Variants in CACHD1 observed in about 807,000 individuals in gnomAD.
CACHD1 encodes the protein VWFA and cache domain-containing protein 1.
A neutral mutation model predicts 138.7 loss-of-function variants in CACHD1; 71 were observed. The observed-to-expected ratio is 0.51, with a 90% CI of 0.42 to 0.62. The LOEUF (loss-of-function observed/expected upper bound fraction) is 0.62, where lower values mean the gene tolerates loss of function less well. CACHD1 is among the 20% of genes least tolerant of loss of function. The pLI is 0.00. For synonymous variants in CACHD1, 578 were observed against 591.5 expected, an observed-to-expected ratio of 0.98 and a Z score of 0.33; for missense variants, 1,389 against 1,625.3, an observed-to-expected ratio of 0.85 and a Z score of 2.50.
chr1:64,633,238 A>G (rs1320895809), intron 6 of CACHD1, among the ~76,000 whole-genome samples: 2 of 152,188 alleles, frequency 1.3e-5, no homozygotes, highest in Non-Finnish European at 2.9e-5. Context: ...TATGTCAGGG[A>G]CCATCTGTAT....
chr1:64,589,710 T>C (rs1647082804), intron 3 of CACHD1, among the ~76,000 whole-genome samples: 1 of 152,136 alleles, frequency 6.6e-6, no homozygotes, highest in Non-Finnish European at 1.5e-5. Context: ...ACTGATGTTA[T>C]GGAGAATAAT....
intron 10 of CACHD1, 76 bp downstream of exon 10, chr1:64,652,386 C>A: frequency 3.1e-6 from 4 of 1,309,522 alleles, no homozygotes; most frequent in Middle Eastern, 1.9e-4. Flanking sequence ...ATTCTACAAA[C>A]AAAATAGGAA....
chr1:64,539,053 T>A lies in CACHD1; in HGVS notation c.199-11541T>A, dbSNP rs183481629. On this transcript the variant is annotated intron_variant, in intron 1 of 26. Coordinates refer to ENST00000651257, the MANE Select transcript of CACHD1 (RefSeq NM_020925.4). ...AATCTTTTGGGGGAGGTAAGACACA[T>A]GGGAAACTCAACGTCAGAGCCTCTC... is the stretch of plus-strand genomic sequence containing the variant. Among the ~76,000 whole-genome samples the A allele has an allele frequency of 7.9e-5, 12 of 152,248 alleles. No individual in the cohort carries two copies. The East Asian group carries it at 2.3e-3, about 29-fold the overall frequency.
At chr1:64,526,659 C>T (rs1036091880) in intron 1 of CACHD1, among the ~76,000 whole-genome samples, 4 of 152,198 alleles carry the variant, frequency 2.6e-5, no homozygotes, top group Non-Finnish European at 5.9e-5. Flanking sequence ...TTTCCCATTC[C>T]TGCTAACGCA....
intron 1 of CACHD1, among the ~76,000 whole-genome samples, chr1:64,541,556 C>T (rs887595437): frequency 2.6e-5 from 4 of 152,166 alleles, no homozygotes; most frequent in African/African-American, 9.6e-5. Context: ...ACCTGTAATC[C>T]CAGCACTTTG....
chr1:64,676,975 G>T lies in CACHD1; in HGVS notation c.3056G>T (p.Cys1019Phe). ...DPGLQDALHQ[C>F]VNSRCSQRLE... is the part of the protein sequence containing the mutation. ...GGCCTGCAAGATGCTCTTCACCAGT[G>T]TGTCAACAGCAGGTGCAGTCAGAGG... Residue 1019 changes from cysteine (C) to phenylalanine (F), a missense_variant, in exon 22 of 27, where the codon TGT becomes TTT. By Grantham distance (205) the Cys-to-Phe change is radical. This residue lies in a region of CACHD1 where 250 missense variants were observed against 292.9 expected (regional missense o/e 0.85). Transcript: ENST00000651257. 6.2e-7 allele frequency: 1 copy of T among 1,613,938 alleles called. No individual in the cohort carries two copies.
At chr1:64,497,741 C>G (rs1646313883) in intron 1 of CACHD1, among the ~76,000 whole-genome samples, 4 of 152,124 alleles carry the variant, frequency 2.6e-5, no homozygotes, top group Admixed American at 2.6e-4. Flanking sequence ...CAGACTAGAT[C>G]CCAAGCCCTT....
At chr1:64,622,076 T>G (rs572945390) in intron 4 of CACHD1, among the ~76,000 whole-genome samples, 1 of 152,254 alleles carries the variant, frequency 6.6e-6, no homozygotes, top group East Asian at 1.9e-4. Flanking sequence ...AAATAGAAAA[T>G]GCAAAATAGC....
intron 3 of CACHD1, among the ~76,000 whole-genome samples, chr1:64,593,431 T>C (rs1451396814): frequency 1.3e-5 from 2 of 152,252 alleles, no homozygotes; most frequent in African/African-American, 4.8e-5. Context: ...TTATTACTGT[T>C]TTTATGAGAA....
chr1:64,509,138 G>A (rs1159514561), intron 1 of CACHD1, among the ~76,000 whole-genome samples: 1 of 152,174 alleles, frequency 6.6e-6, no homozygotes, highest in Non-Finnish European at 1.5e-5. Flanking sequence ...TCCTAACTAT[G>A]AGTATGGATG....
intron 1 of CACHD1, among the ~76,000 whole-genome samples, chr1:64,494,720 G>A (rs177601): frequency 0.89 from 135,966 of 152,212 alleles, 61,081 homozygotes; most frequent in East Asian, 0.97. Context: ...TAAGAACCAC[G>A]TTTTATTGGT....
chr1:64,505,268 C>G (rs1330809758), intron 1 of CACHD1, among the ~76,000 whole-genome samples: 1 of 152,162 alleles, frequency 6.6e-6, no homozygotes, highest in Non-Finnish European at 1.5e-5. Context: ...TCAAGAGCCT[C>G]TGGGGAGCCC....
intron 5 of CACHD1, 146 bp from the exon 6 acceptor site, chr1:64,632,453 T>C (rs1075473): frequency 0.069 from 51,298 of 741,806 alleles, 2,253 homozygotes; most frequent in Admixed American, 0.15. Context: ...TGGTTTCTCC[T>C]TCCATGTGGA....
intron 1 of CACHD1, among the ~76,000 whole-genome samples, chr1:64,483,392 A>G (rs1349371596): frequency 6.6e-6 from 1 of 152,124 alleles, no homozygotes; most frequent in Non-Finnish European, 1.5e-5. Context: ...TTATGCTTGG[A>G]TTTGAGTTTA....
At chr1:64,488,388 T>C (rs532497330) in intron 1 of CACHD1, among the ~76,000 whole-genome samples, 1 of 152,348 alleles carries the variant, frequency 6.6e-6, no homozygotes, top group Admixed American at 6.5e-5. Flanking sequence ...TGTAACCTGG[T>C]AAATTTCTTG....
intron 15 of CACHD1, among the ~76,000 whole-genome samples, 176 bp from the exon 16 acceptor site, chr1:64,665,881 G>C (rs1483028353): frequency 1.3e-5 from 2 of 152,158 alleles, no homozygotes; most frequent in Non-Finnish European, 2.9e-5. Context: ...GCGGGTGCCT[G>C]TAGTCCCAGC....
intron 1 of CACHD1, among the ~76,000 whole-genome samples, chr1:64,490,536 G>A (rs1646269203): frequency 6.6e-6 from 1 of 152,216 alleles, no homozygotes; most frequent in South Asian, 2.1e-4. Context: ...TCCTCAAGCT[G>A]ATGAGTTTCT....
rs1557507120 is a variant in CACHD1 at position 64,587,560 on chromosome 1, C to T, written c.410+5256C>T. On this transcript the variant is annotated intron_variant, in intron 3 of 26. Coordinates refer to ENST00000651257, the MANE Select transcript of CACHD1 (RefSeq NM_020925.4). ...GTTAATTATTCTGCACAAGACGCTG[C>T]CTAGTGATTAGGTACTCTGTCAATG... is the stretch of plus-strand genomic sequence containing the variant. 2.6e-5 allele frequency among the ~76,000 whole-genome samples: 4 copies of T among 152,234 alleles called. No homozygotes were observed. In the South Asian group the frequency reaches 6.2e-4, roughly 24 times the overall value.
At chr1:64,486,852 A>C (rs1646246170) in intron 1 of CACHD1, among the ~76,000 whole-genome samples, 1 of 152,240 alleles carries the variant, frequency 6.6e-6, no homozygotes, top group Non-Finnish European at 1.5e-5. Context: ...GTAAATGCTA[A>C]GTACATGTAA....
Sources: allele counts gnomAD v4.1 joint callset (sites outside exome capture counted in the v4.1 genomes callset), GRCh38; gene constraint gnomAD v4.1.1; regional missense constraint gnomAD v4.1.1; transcripts MANE v1.5; gene names NCBI Gene and HGNC (gene_info 2026-07-23, HGNC 2026-07-21).